Variants in PCDH15 observed in about 807,000 individuals in gnomAD.
The protein encoded by PCDH15 is protocadherin-15.
Under a neutral mutation model 178.5 loss-of-function variants are expected in PCDH15, and 129 were observed. The ratio of observed to expected loss-of-function variants is 0.72; its 90% confidence interval spans 0.63 to 0.84. The LOEUF (loss-of-function observed/expected upper bound fraction) is 0.84. PCDH15 is among the 40% of genes least tolerant of loss of function. The pLI is 0.00. For missense variants in PCDH15, 2,230 were observed against 2,099.9 expected (o/e 1.06, Z -1.21); for synonymous variants, 800 against 732.0 (o/e 1.09, Z -1.50).
chr10:55,006,442 T>G (rs1432837571), intron 2 of PCDH15, among the ~76,000 whole-genome samples: 1 of 152,184 alleles, frequency 6.6e-6, no homozygotes, highest in Non-Finnish European at 1.5e-5. Context: ...GTTAGACATG[T>G]TTTAACTTGG....
At chr10:54,629,506 T>A (rs1466625973) in intron 2 of PCDH15, among the ~76,000 whole-genome samples, 1 of 152,124 alleles carries the variant, frequency 6.6e-6, no homozygotes, top group Non-Finnish European at 1.5e-5. Flanking sequence ...ATATCATTAT[T>A]TCAACAGACT....
At chr10:53,934,364 C>G (rs1220579494) in intron 25 of PCDH15, among the ~76,000 whole-genome samples, 1 of 152,036 alleles carries the variant, frequency 6.6e-6, no homozygotes, top group Non-Finnish European at 1.5e-5. Flanking sequence ...TATAAGTTAC[C>G]TAGAGAAACT....
At chr10:54,099,513 A>AAAAAAT (rs1347306483) in intron 15 of PCDH15, among the ~76,000 whole-genome samples, 1,812 of 117,090 alleles carry the variant, frequency 0.015, 50 homozygotes, top group Middle Eastern at 0.027. Context: ...AAAAAAAAAA[A>AAAAAAT]ATATATATAT....
chr10:55,588,900 G>A (rs1390470108), intron 2 of PCDH15, among the ~76,000 whole-genome samples: 1 of 151,874 alleles, frequency 6.6e-6, no homozygotes, highest in African/African-American at 2.4e-5. Context: ...TGACCAACAT[G>A]GAGAAACTCC....
chr10:53,825,180 G>GA, intron 32 of PCDH15: 1 of 1,515,866 alleles, frequency 6.6e-7, no homozygotes, highest in Admixed American at 2.3e-5. Flanking sequence ...ACATGTGATA[G>GA]AAAAAAAGAA....
chr10:54,998,165 T>C (rs1204498046), intron 2 of PCDH15, among the ~76,000 whole-genome samples: 2 of 152,158 alleles, frequency 1.3e-5, no homozygotes, highest in Non-Finnish European at 2.9e-5. Context: ...ATTCAAATTA[T>C]GGACTATGGC....
intron 14 of PCDH15, among the ~76,000 whole-genome samples, chr10:54,152,276 T>C (rs1211452185): frequency 6.6e-6 from 1 of 152,182 alleles, no homozygotes; most frequent in Non-Finnish European, 1.5e-5. Context: ...CTTGCACATA[T>C]TCAAACTGAT....
chr10:54,368,812 GATA>G (rs1242610975), intron 5 of PCDH15, among the ~76,000 whole-genome samples: 5 of 151,746 alleles, frequency 3.3e-5, no homozygotes, highest in Non-Finnish European at 5.9e-5. Flanking sequence ...AATGCCTTAG[GATA>G]ATAATAATAA....
intron 2 of PCDH15, among the ~76,000 whole-genome samples, chr10:54,643,318 G>A (rs1017288950): frequency 8.5e-5 from 13 of 152,130 alleles, no homozygotes; most frequent in South Asian, 4.1e-4. Context: ...TGTTCAAAAC[G>A]ATTTCTAAAC....
chr10:54,775,778 G>A (rs368649748), intron 1 of PCDH15, among the ~76,000 whole-genome samples: 24 of 152,214 alleles, frequency 1.6e-4, no homozygotes, highest in East Asian at 9.7e-4. Flanking sequence ...CCAGCTACTC[G>A]GAGAGGCTGA....
At chr10:54,404,408 C>T (rs1314881525) in intron 3 of PCDH15, among the ~76,000 whole-genome samples, 2 of 152,102 alleles carry the variant, frequency 1.3e-5, no homozygotes, top group South Asian at 4.1e-4. Flanking sequence ...CTGACAAAAA[C>T]AATCAATGGG....
At chr10:54,290,351 AT>A (rs1323942844) in intron 8 of PCDH15, among the ~76,000 whole-genome samples, 1 of 152,214 alleles carries the variant, frequency 6.6e-6, no homozygotes, top group Non-Finnish European at 1.5e-5. Flanking sequence ...ATGCTGAGAT[AT>A]TTTGTCACCA....
chr10:55,018,823 T>A (rs1309874299), intron 2 of PCDH15, among the ~76,000 whole-genome samples: 1 of 152,134 alleles, frequency 6.6e-6, no homozygotes, highest in African/African-American at 2.4e-5. Context: ...GTTGTGGAAT[T>A]CCCAAATTAT....
At chr10:54,220,868 A>ATAAG (rs1554844306) in intron 9 of PCDH15, among the ~76,000 whole-genome samples, 3,111 of 143,166 alleles carry the variant, frequency 0.022, 41 homozygotes, top group South Asian at 0.04. Flanking sequence ...AAATAAATAA[A>ATAAG]TAAGTAAAAT....
chr10:55,351,669 T>C (rs1231805685), intron 2 of PCDH15, among the ~76,000 whole-genome samples: 1 of 152,174 alleles, frequency 6.6e-6, no homozygotes, highest in Non-Finnish European at 1.5e-5. Flanking sequence ...GAGAAACTCA[T>C]TTATTCTTTC....
intron 3 of PCDH15, among the ~76,000 whole-genome samples, chr10:54,475,245 C>T (rs538224224): frequency 1.1e-4 from 16 of 152,024 alleles, no homozygotes; most frequent in South Asian, 6.2e-4. Context: ...GTGATTATTG[C>T]ACTGTATGGA....
chr10:54,297,334 C>A (rs1009516925), intron 8 of PCDH15, among the ~76,000 whole-genome samples: 3 of 152,066 alleles, frequency 2.0e-5, no homozygotes, highest in African/African-American at 4.8e-5. Flanking sequence ...TATGGCTCGG[C>A]CACAATATTA....
intron 15 of PCDH15, among the ~76,000 whole-genome samples, chr10:54,097,050 T>A (rs7074965): frequency 0.012 from 1,822 of 151,780 alleles, 44 homozygotes; most frequent in African/African-American, 0.042. Flanking sequence ...AAATGACTTC[T>A]CATTATTTCT....
intron 2 of PCDH15, among the ~76,000 whole-genome samples, chr10:55,058,668 T>G (rs1285550377): frequency 6.6e-6 from 1 of 152,186 alleles, no homozygotes; most frequent in Non-Finnish European, 1.5e-5. Flanking sequence ...TGTATATACA[T>G]TTCAAATTCG....
Sources: gnomAD v4.1 joint callset for allele counts (sites outside exome capture counted in the v4.1 genomes callset) on GRCh38, gnomAD v4.1.1 for gene constraint, MANE v1.5 for transcripts, NCBI Gene and HGNC (gene_info 2026-07-23, HGNC 2026-07-21) for gene names.